RSF1: variants seen among roughly 807,000 people sequenced by gnomAD.
The protein encoded by RSF1 is HBV pX-associated protein 8.
RSF1 carries 13 observed loss-of-function variants against 145.2 expected under a neutral mutation model. The observed-to-expected ratio is 0.09, with a 90% CI of 0.06 to 0.14. The LOEUF is 0.14. Ranked by LOEUF, RSF1 falls within the 10% of genes least tolerant of loss-of-function variation. RSF1 has a pLI of 1.00. For missense variants in RSF1, 1,517 were observed against 1,718.2 expected (o/e 0.88, Z 2.07); for synonymous variants, 577 against 592.6 (o/e 0.97, Z 0.38).
In RSF1 at chr11:77,667,143, T is replaced by A; in HGVS notation, c.4100A>T (p.Asp1367Val). Residue 1367 changes from aspartate to valine, a missense_variant, in exon 16 of 16, where the codon GAC becomes GTC. Physicochemically the swap from Asp to Val is radical, Grantham distance 152. Coordinates refer to ENST00000308488, the MANE Select transcript of RSF1 (RefSeq NM_016578.4). ...GCTCTGTCCATTGGTTGAAGGTAAGTCCACTAAGCTATAGTCCAATGGGCT... is the reference window on the plus strand; with the variant it reads ...GCTCTGTCCATTGGTTGAAGGTAAGACCACTAAGCTATAGTCCAATGGGCT... ...VGSPLDYSLV[D>V]LPSTNGQSPG... 1 of 1,614,166 alleles carries A rather than the reference T, an allele frequency of 6.2e-7. No individual in the cohort carries two copies. The highest frequency in any genetic ancestry group is 1.1e-5 in the South Asian group (1 of 91,088).
chr11:77,670,361 CACA>C (rs1426005524), intron 15 of RSF1, among the ~76,000 whole-genome samples: 14 of 152,212 alleles, frequency 9.2e-5, no homozygotes, highest in Non-Finnish European at 1.6e-4. Flanking sequence ...ATGACTCACA[CACA>C]ACATTTCTTT....
intron 10 of RSF1, among the ~76,000 whole-genome samples, chr11:77,684,241 ATTACTTATACACATT>A (rs1245807433): frequency 2.0e-5 from 3 of 152,354 alleles, no homozygotes; most frequent in Admixed American, 6.5e-5. Context: ...CCGGAATGAA[ATTACTTATACACATT>A]TTTACAAATT....
intron 4 of RSF1, among the ~76,000 whole-genome samples, chr11:77,736,617 T>C (rs534310089): frequency 3.3e-4 from 50 of 152,368 alleles, no homozygotes; most frequent in African/African-American, 1.0e-3. Context: ...CAGTTTACTA[T>C]ATTTGTCAGT....
At chr11:77,797,862 A>G (rs898376729) in intron 1 of RSF1, among the ~76,000 whole-genome samples, 1 of 152,236 alleles carries the variant, frequency 6.6e-6, no homozygotes, top group Admixed American at 6.5e-5. Flanking sequence ...ATGAACAGAC[A>G]CTTCTCAAAA....
chr11:77,788,601 T>A (rs1948485169), intron 1 of RSF1, among the ~76,000 whole-genome samples: 1 of 150,660 alleles, frequency 6.6e-6, no homozygotes, highest in Admixed American at 6.6e-5. Flanking sequence ...GAAAAAGGTA[T>A]CCAATATAAT....
chr11:77,822,499 A>G (rs945745444), upstream of RSF1, among the ~76,000 whole-genome samples: 1 of 152,054 alleles, frequency 6.6e-6, no homozygotes, highest in Non-Finnish European at 1.5e-5. Flanking sequence ...ATAGAAAGAT[A>G]AGAAATAGAT....
chr11:77,863,287 AGCAGAC>A, the RSF1 span, among the ~76,000 whole-genome samples: 1 of 152,192 alleles, frequency 6.6e-6, no homozygotes, highest in Non-Finnish European at 1.5e-5. Flanking sequence ...TCAGGAGCAC[AGCAGAC>A]ACCCTGCCGG....
rs1959359736 is a variant in RSF1 at position 77,666,246 on chromosome 11, TA to T, written c.*670del. The T allele has an allele frequency of 6.6e-6, 1 of 152,430 alleles. No homozygotes were observed. Among genetic ancestry groups the T allele is most frequent in the African/African-American group, 2.4e-5 (1 of 41,464 alleles). 9.4% of individuals were successfully genotyped at this position (152,430 alleles called of 1,614,324 possible). A position where few individuals can be genotyped will look rare whatever the true frequency, so the allele number is the denominator to read the frequency against. ...TGTACAAATGCTTTTCAGATGATTT[TA>T]TTTTTTTTTAAACAAGAAACTCTGC... On this transcript the variant is annotated 3_prime_UTR_variant, in exon 16 of 16. Transcript: ENST00000308488.
At chr11:77,742,777 T>A (rs1947955207) in intron 3 of RSF1, among the ~76,000 whole-genome samples, 1 of 152,254 alleles carries the variant, frequency 6.6e-6, no homozygotes, top group East Asian at 1.9e-4. Flanking sequence ...AAATGTCTAC[T>A]GAAGTCCTTT....
intron 9 of RSF1, 74 bp from the exon 10 acceptor site, chr11:77,685,233 C>G: frequency 1.3e-6 from 1 of 788,928 alleles, no homozygotes; most frequent in South Asian, 2.0e-5. Flanking sequence ...CACGAATACA[C>G]ATAATGTTAA....
At chr11:77,678,190 T>G in intron 11 of RSF1, 37 bp from the exon 12 acceptor site, 21 of 899,118 alleles carry the variant, frequency 2.3e-5, no homozygotes, top group Non-Finnish European at 3.0e-5. Flanking sequence ...TAGCCTGTCC[T>G]GGCTTTTTTT....
In RSF1 at chr11:77,676,978, A is replaced by G. The variant is rs1395241118; in HGVS notation, c.3155T>C (p.Ile1052Thr). 7.4e-6 allele frequency: 12 copies of G among 1,612,712 alleles called. No individual in the cohort carries two copies. Among genetic ancestry groups the G allele is most frequent in the Admixed American group, 1.7e-5 (1 of 59,836 alleles). ...DGGGVGRGKD[I>T]STITGHRGKD... is the part of the protein sequence containing the mutation. ...CCCACGATGACCTGTGATGGTGGAG[A>G]TATCTTTTCCTCGGCCAACTCCTGA... The change falls in exon 13 of 16, where the codon ATC (isoleucine) becomes ACC (threonine). Residue 1052 changes from isoleucine to threonine, a missense_variant. By Grantham distance (89) the Ile-to-Thr change is moderately conservative (BLOSUM62 -1). Transcript: ENST00000308488.
intron 1 of RSF1, among the ~76,000 whole-genome samples, chr11:77,802,215 C>A (rs1194062356): frequency 3.3e-5 from 5 of 152,072 alleles, no homozygotes; most frequent in African/African-American, 1.2e-4. Context: ...TGAGCCAATA[C>A]AGTAGGTTAT....
At chr11:77,682,310 A>C (rs1959884011) in intron 11 of RSF1, among the ~76,000 whole-genome samples, 1 of 152,212 alleles carries the variant, frequency 6.6e-6, no homozygotes, top group Non-Finnish European at 1.5e-5. Context: ...TTCAAAGTTA[A>C]GAGTTTCATA....
intron 1 of RSF1, among the ~76,000 whole-genome samples, chr11:77,774,901 G>C (rs1486577603): frequency 6.6e-6 from 1 of 150,642 alleles, no homozygotes; most frequent in Non-Finnish European, 1.5e-5. Flanking sequence ...CGAGTAGCTA[G>C]GATTACAGGC....
intron 1 of RSF1, among the ~76,000 whole-genome samples, chr11:77,805,069 G>C (rs1409644393): frequency 1.3e-5 from 2 of 152,116 alleles, no homozygotes; most frequent in East Asian, 3.8e-4. Flanking sequence ...TTGTTTCTTT[G>C]TGGGGAGAAA....
chr11:77,785,435 C>T (rs1051699836), intron 1 of RSF1, among the ~76,000 whole-genome samples: 5 of 152,072 alleles, frequency 3.3e-5, no homozygotes. Flanking sequence ...ACTAAAAATA[C>T]AAAAATTAGC....
chr11:77,687,304 T>G (rs1960035256), intron 9 of RSF1, among the ~76,000 whole-genome samples: 2 of 152,338 alleles, frequency 1.3e-5, no homozygotes, highest in South Asian at 4.1e-4. Flanking sequence ...CTGGTCTTCC[T>G]GTAACAGTAA....
chr11:77,689,758 G>T (rs1014145600), intron 9 of RSF1, among the ~76,000 whole-genome samples: 2 of 152,140 alleles, frequency 1.3e-5, no homozygotes, highest in African/African-American at 2.4e-5. Context: ...GAAAATGAAT[G>T]ATCAGAAATA....
Sources: allele counts gnomAD v4.1 joint callset (sites outside exome capture counted in the v4.1 genomes callset), GRCh38; gene constraint gnomAD v4.1.1; transcripts MANE v1.5; gene names NCBI Gene and HGNC (gene_info 2026-07-23, HGNC 2026-07-21).